The following CTIF variants were observed in gnomAD, a reference collection of about 807,000 sequenced individuals.
The protein encoded by CTIF is cap binding complex dependent translation initiation factor.
In CTIF, 21 loss-of-function variants were observed where a neutral mutation model predicts 66.0. That is an observed-to-expected ratio of 0.32 (90% CI 0.23 to 0.46). CTIF has a LOEUF of 0.46. Ranked by LOEUF, CTIF falls within the 20% of genes least tolerant of loss-of-function variation. CTIF has a pLI of 1.00. For missense variants in CTIF, 739 were observed against 812.7 expected (o/e 0.91, Z 1.10); for synonymous variants, 345 against 326.4 (o/e 1.06, Z -0.62).
chr18:48,783,126 C>T (rs1911395324), intron 9 of CTIF, among the ~76,000 whole-genome samples: 1 of 152,188 alleles, frequency 6.6e-6, no homozygotes, highest in Non-Finnish European at 1.5e-5. Flanking sequence ...GATGTCTTAG[C>T]TGGGAAGAGC....
intron 7 of CTIF, among the ~76,000 whole-genome samples, chr18:48,745,481 A>C (rs1178607753): frequency 1.3e-5 from 2 of 152,166 alleles, no homozygotes; most frequent in African/African-American, 4.8e-5. Context: ...TCATCCACTG[A>C]CTTCCATTGA....
At chr18:48,785,709 C>T (rs76865952) in intron 9 of CTIF, among the ~76,000 whole-genome samples, 17 of 152,308 alleles carry the variant, frequency 1.1e-4, no homozygotes, top group African/African-American at 3.4e-4. Context: ...CTCTGACCTC[C>T]GTGCCTTTGG....
At chr18:48,599,322 C>T (rs2090047823) in intron 1 of CTIF, among the ~76,000 whole-genome samples, 1 of 151,754 alleles carries the variant, frequency 6.6e-6, no homozygotes, top group South Asian at 2.1e-4. Flanking sequence ...CATTTTTCCT[C>T]TTAAAGGTTT....
chr18:48,588,847 C>T (rs1295739967), intron 1 of CTIF, among the ~76,000 whole-genome samples: 5 of 152,244 alleles, frequency 3.3e-5, no homozygotes, highest in Non-Finnish European at 7.3e-5. Flanking sequence ...CTGAACTGGA[C>T]TTATCCTTGA....
chr18:48,726,121 A>G (rs1320772729), intron 7 of CTIF, among the ~76,000 whole-genome samples: 1 of 152,236 alleles, frequency 6.6e-6, no homozygotes, highest in African/African-American at 2.4e-5. Flanking sequence ...GTAAAATGCC[A>G]AGGGCAACAC....
intron 9 of CTIF, among the ~76,000 whole-genome samples, chr18:48,795,792 G>A (rs2146179100): frequency 6.6e-6 from 1 of 152,294 alleles, no homozygotes; most frequent in South Asian, 2.1e-4. Context: ...TCTCTCTTGA[G>A]GGAGGGTTTA....
chr18:48,685,581 A>C (rs9959576), intron 6 of CTIF, among the ~76,000 whole-genome samples: 30,452 of 152,170 alleles, frequency 0.2, 3,230 homozygotes, highest in Middle Eastern at 0.29. Context: ...CTCTTCGTGC[A>C]GCTCATGGAG....
intron 7 of CTIF, among the ~76,000 whole-genome samples, chr18:48,711,915 G>A (rs1029759853): frequency 1.9e-4 from 29 of 152,174 alleles, no homozygotes; most frequent in South Asian, 6.2e-4. Context: ...CCCTTCAGGC[G>A]TTTGGCTGAG....
At chr18:48,693,974 A>G (rs896839510) in intron 6 of CTIF, among the ~76,000 whole-genome samples, 1 of 152,230 alleles carries the variant, frequency 6.6e-6, no homozygotes, top group Non-Finnish European at 1.5e-5. Context: ...GTTGGTGCCT[A>G]TGCGGGGAAT....
chr18:48,707,613 C>A (rs2092174349), intron 6 of CTIF, among the ~76,000 whole-genome samples: 1 of 151,816 alleles, frequency 6.6e-6, no homozygotes, highest in Non-Finnish European at 1.5e-5. Flanking sequence ...TCCTCCTCCT[C>A]CTTCTCCTCT....
chr18:48,800,081 C>T lies in CTIF; in HGVS notation c.1372-17140C>T, dbSNP rs760675243. On this transcript the variant is annotated intron_variant, in intron 9 of 11. Coordinates refer to ENST00000256413, the MANE Select transcript of CTIF (RefSeq NM_014772.3). Reference sequence around the variant, plus strand: ...GCATGTGCACCAGCTTTTCAGCAGCCGGAGGAAGAGGGTCCCCAGCTCTGG... The same window carrying T: ...GCATGTGCACCAGCTTTTCAGCAGCTGGAGGAAGAGGGTCCCCAGCTCTGG... Among the ~76,000 whole-genome samples, 52 of 152,320 alleles carry T rather than the reference C, an allele frequency of 3.4e-4. 2 individuals are homozygous for T. The highest frequency in any genetic ancestry group is 1.1e-3 in the Admixed American group (17 of 15,302).
intron 7 of CTIF, among the ~76,000 whole-genome samples, chr18:48,749,822 A>G (rs1033940772): frequency 6.6e-6 from 1 of 152,156 alleles, no homozygotes. Flanking sequence ...ACCACGAACT[A>G]CTGTGAAGCT....
Position 48,794,043 on chromosome 18 carries a change from G to A in CTIF, c.1372-23178G>A, listed in dbSNP as rs2878897. Among the ~76,000 whole-genome samples, 1,366 of 152,200 alleles carry A rather than the reference G, an allele frequency of 9.0e-3. 26 individuals carry two copies. Among genetic ancestry groups the A allele is most frequent in the African/African-American group, 0.031 (1,285 of 41,506 alleles). On this transcript the variant is annotated intron_variant, in intron 9 of 11. Transcript: ENST00000256413. ...CCATCCCCATCTCCCCAGGGGAGGC[G>A]AGGTAATCTGTACCACCTTGGGATC...
intron 7 of CTIF, among the ~76,000 whole-genome samples, chr18:48,744,244 C>T (rs1364157582): frequency 2.0e-5 from 3 of 152,186 alleles, no homozygotes; most frequent in Non-Finnish European, 4.4e-5. Context: ...GGGGTCTCTG[C>T]AGTTTCACCT....
At chr18:48,637,835 G>A (rs1005284657) in intron 3 of CTIF, among the ~76,000 whole-genome samples, 8 of 152,100 alleles carry the variant, frequency 5.3e-5, no homozygotes, top group South Asian at 4.2e-4. Flanking sequence ...CTGGAGTCTC[G>A]TTTTTGTTCT....
chr18:48,568,069 C>T (rs1358579022), intron 1 of CTIF: 1 of 152,002 alleles, frequency 6.6e-6, no homozygotes, highest in East Asian at 1.9e-4. Context: ...ATTTCAAATC[C>T]TATTTCATAG....
At chr18:48,589,859 C>T (rs747967557) in intron 1 of CTIF, among the ~76,000 whole-genome samples, 1 of 152,204 alleles carries the variant, frequency 6.6e-6, no homozygotes, top group Admixed American at 6.5e-5. Context: ...AGCCACCTCA[C>T]GGAAGCATCA....
intron 1 of CTIF, among the ~76,000 whole-genome samples, chr18:48,556,461 C>T (rs963194418): frequency 2.0e-5 from 3 of 152,190 alleles, no homozygotes; most frequent in African/African-American, 7.2e-5. Context: ...ATAGAGATGT[C>T]AGTGATTCAC....
intron 1 of CTIF, among the ~76,000 whole-genome samples, chr18:48,551,532 G>A (rs535800576): frequency 6.6e-6 from 1 of 152,172 alleles, no homozygotes; most frequent in African/African-American, 2.4e-5. Flanking sequence ...TGCATTGTGT[G>A]TTATGCTTGT....
Sources: allele counts gnomAD v4.1 joint callset (sites outside exome capture counted in the v4.1 genomes callset), GRCh38; gene constraint gnomAD v4.1.1; transcripts MANE v1.5; gene names NCBI Gene and HGNC (gene_info 2026-07-23, HGNC 2026-07-21).